The following CA10 variants were observed in gnomAD, a reference collection of about 807,000 sequenced individuals.
CA10 encodes carbonic anhydrase-related protein 10.
In CA10, 14 loss-of-function variants were observed where a neutral mutation model predicts 44.2. The observed-to-expected ratio is 0.32, with a 90% CI of 0.21 to 0.50. The LOEUF (loss-of-function observed/expected upper bound fraction) is 0.50. CA10 is among the 20% of genes least tolerant of loss of function. The pLI is 0.99. For synonymous variants in CA10, 159 were observed against 141.6 expected (o/e 1.12, Z -0.87); for missense variants, 350 against 409.7 (o/e 0.85, Z 1.26).
intron 1 of CA10, among the ~76,000 whole-genome samples, chr17:52,142,465 C>G (rs1297383903): frequency 2.4e-4 from 37 of 152,094 alleles, no homozygotes; most frequent in Non-Finnish European, 2.9e-5. Flanking sequence ...GCTTTACTTT[C>G]ATATGTCATT....
At chr17:51,797,041 C>A (rs1906736620) in intron 3 of CA10, among the ~76,000 whole-genome samples, 1 of 151,800 alleles carries the variant, frequency 6.6e-6, no homozygotes, top group African/African-American at 2.4e-5. Context: ...AGCCACAGAC[C>A]ATCTGCCAGC....
At chr17:52,089,723 T>A (rs1045332886) in intron 1 of CA10, among the ~76,000 whole-genome samples, 5 of 152,056 alleles carry the variant, frequency 3.3e-5, no homozygotes, top group Admixed American at 3.3e-4. Flanking sequence ...GTATATATAT[T>A]TTATATGACA....
rs763972021 is a variant in CA10 at position 51,747,671 on chromosome 17, A to C, written c.427T>G (p.Ser143Ala). 6.2e-7 allele frequency: 1 copy of C among 1,613,970 alleles called. No individual in the cohort carries two copies. The highest frequency in any genetic ancestry group is 8.5e-7 in the Non-Finnish European group (1 of 1,179,952). Reference protein sequence around the residue: ...LHFGSEDSQGSEHLLNGQAFS... With the variant: ...LHFGSEDSQGAEHLLNGQAFS... ...GCCTGTCCATTGAGGAGGTGCTCCG[A>C]CCCTTGGCTGTCCTCACTCCCAAAG... The change falls in exon 4 of 9, where the codon TCG (serine) becomes GCG (alanine). Residue 143 changes from serine (S) to alanine (A), a missense_variant. Coordinates refer to ENST00000451037, the MANE Select transcript of CA10 (RefSeq NM_020178.5).
chr17:51,873,792 T>A (rs1430474038), intron 3 of CA10, among the ~76,000 whole-genome samples: 1 of 152,126 alleles, frequency 6.6e-6, no homozygotes, highest in African/African-American at 2.4e-5. Context: ...TCACTCTGAG[T>A]GTCCAGCCTA....
intron 4 of CA10, among the ~76,000 whole-genome samples, chr17:51,707,704 T>TGTGTGTGTGTGTGTGTGTGTGTG (rs1555587873): frequency 6.6e-6 from 1 of 151,450 alleles, no homozygotes; most frequent in Non-Finnish European, 1.5e-5. Context: ...TGTGTGTGTG[T>TGTGTGTGTGTGTGTGTGTGTGTG]TTCTCATGTT....
chr17:52,028,745 C>A (rs1351960750), intron 2 of CA10, among the ~76,000 whole-genome samples: 1 of 152,184 alleles, frequency 6.6e-6, no homozygotes, highest in African/African-American at 2.4e-5. Context: ...AGCAGTGGGG[C>A]CATCATCTTG....
chr17:51,800,947 C>T (rs565213348), intron 3 of CA10, among the ~76,000 whole-genome samples: 1 of 152,266 alleles, frequency 6.6e-6, no homozygotes, highest in South Asian at 2.1e-4. Flanking sequence ...TCTGGTCCTA[C>T]CTGGTGCTCT....
At chr17:51,808,922 C>A (rs552541854) in intron 3 of CA10, among the ~76,000 whole-genome samples, 1 of 152,078 alleles carries the variant, frequency 6.6e-6, no homozygotes, top group South Asian at 2.1e-4. Context: ...TGAAGACAAA[C>A]AAAATTCATT....
At chr17:51,920,942 T>C (rs1213287496) in intron 3 of CA10, among the ~76,000 whole-genome samples, 10 of 152,246 alleles carry the variant, frequency 6.6e-5, no homozygotes, top group Admixed American at 6.5e-4. Context: ...CATTTTGCTC[T>C]GAATCCTTCA....
At chr17:51,813,330 C>A (rs1907445800) in intron 3 of CA10, among the ~76,000 whole-genome samples, 1 of 152,354 alleles carries the variant, frequency 6.6e-6, no homozygotes, top group East Asian at 1.9e-4. Flanking sequence ...ACCTACGGTG[C>A]AGGTTTTTAA....
intron 1 of CA10, among the ~76,000 whole-genome samples, chr17:52,078,837 A>C (rs1987886722): frequency 6.6e-6 from 1 of 152,126 alleles, no homozygotes; most frequent in African/African-American, 2.4e-5. Flanking sequence ...TGACTTTTAC[A>C]ACACCCGGAA....
chr17:52,052,299 TAAAAA>T (rs149731635), intron 2 of CA10, among the ~76,000 whole-genome samples: 18,549 of 144,998 alleles, frequency 0.13, 1,204 homozygotes, highest in South Asian at 0.15. Flanking sequence ...CTTTTTTTTT[TAAAAA>T]AAAAAAAAAA....
At chr17:51,845,527 T>C (rs1182521338) in intron 3 of CA10, among the ~76,000 whole-genome samples, 7 of 152,188 alleles carry the variant, frequency 4.6e-5, no homozygotes, top group African/African-American at 1.7e-4. Context: ...AAACTAAATA[T>C]TGTTTTAAAC....
rs147712127 is a variant in CA10, at chr17:52,152,348, C to T, written c.61+5378G>A. Among the ~76,000 whole-genome samples the T allele has an allele frequency of 5.9e-5, 9 of 152,230 alleles. No homozygotes were observed. The East Asian group carries it at 1.7e-3, about 29-fold the overall frequency. On this transcript the variant is annotated intron_variant, in intron 1 of 8. Coordinates refer to ENST00000451037, the MANE Select transcript of CA10 (RefSeq NM_020178.5). ...TTCATATTCTCTCAATTCAATAGCT[C>T]CCTAAGTGGGCTCATCCCAACTTTC...
chr17:51,631,483 G>T lies in CA10; in HGVS notation c.*101C>A. On this transcript the variant is annotated 3_prime_UTR_variant, in exon 9 of 9. Transcript: ENST00000451037. ...CAATCCCAAGAATGAATGAGGCTTGGGGGAAAGAAGGAGAGAGAAGCAAGA... is the reference window on the plus strand; with the variant it reads ...CAATCCCAAGAATGAATGAGGCTTGTGGGAAAGAAGGAGAGAGAAGCAAGA... 1 of 1,109,186 alleles carries T rather than the reference G, an allele frequency of 9.0e-7. No individual in the cohort carries two copies. The highest frequency in any genetic ancestry group is 2.4e-5 in the East Asian group (1 of 42,550). 68.7% of individuals were successfully genotyped at this position (1,109,186 alleles called of 1,614,324 possible).
intron 3 of CA10, among the ~76,000 whole-genome samples, chr17:51,871,204 G>T (rs901044423): frequency 1.3e-4 from 20 of 150,758 alleles, no homozygotes; most frequent in African/African-American, 4.1e-4. Flanking sequence ...GACTACAGGT[G>T]TGCCCAACCA....
intron 3 of CA10, among the ~76,000 whole-genome samples, chr17:51,913,909 C>A (rs924201459): frequency 1.3e-5 from 2 of 152,108 alleles, no homozygotes; most frequent in East Asian, 3.9e-4. Flanking sequence ...AAATTTCCAT[C>A]TATTACCATT....
intron 4 of CA10, among the ~76,000 whole-genome samples, chr17:51,739,233 T>TA (rs1365295669): frequency 6.6e-6 from 1 of 152,008 alleles, no homozygotes; most frequent in Non-Finnish European, 1.5e-5. Context: ...GGAAATGAGT[T>TA]AAAAAACACA....
chr17:52,088,146 T>C (rs1988167358), intron 1 of CA10, among the ~76,000 whole-genome samples: 1 of 152,014 alleles, frequency 6.6e-6, no homozygotes, highest in African/African-American at 2.4e-5. Context: ...ACCACCTGGG[T>C]GATGAAATAA....
Sources: gnomAD v4.1 joint callset for allele counts (sites outside exome capture counted in the v4.1 genomes callset) on GRCh38, gnomAD v4.1.1 for gene constraint, MANE v1.5 for transcripts, NCBI Gene and HGNC (gene_info 2026-07-23, HGNC 2026-07-21) for gene names.